PDE4D: variants seen among roughly 807,000 people sequenced by gnomAD.
PDE4D encodes 3',5'-cyclic-AMP phosphodiesterase 4D.
A neutral mutation model predicts 87.4 loss-of-function variants in PDE4D; 24 were observed. That is an observed-to-expected ratio of 0.27 (90% confidence interval 0.20 to 0.39). The LOEUF is 0.39. Ranked by LOEUF, PDE4D falls within the 10% of genes least tolerant of loss-of-function variation. The pLI, the probability that PDE4D is intolerant of heterozygous loss-of-function variation, is 1.00. For missense variants in PDE4D, 714 were observed against 1,041.0 expected, an observed-to-expected ratio of 0.69 and a Z score of 4.32; for synonymous variants, 384 against 383.2, an observed-to-expected ratio of 1.00 and a Z score of -0.02.
At chr5:59,177,132 C>G (rs967773606) in intron 5 of PDE4D, among the ~76,000 whole-genome samples, 1 of 152,088 alleles carries the variant, frequency 6.6e-6, no homozygotes, top group African/African-American at 2.4e-5. Flanking sequence ...TATTTGGAGG[C>G]CGGGCCTGTG....
intron 1 of PDE4D, among the ~76,000 whole-genome samples, chr5:59,447,328 T>C (rs1185843026): frequency 1.3e-5 from 2 of 152,216 alleles, no homozygotes; most frequent in African/African-American, 4.8e-5. Context: ...CTTGCTGGAA[T>C]GGAGAAAAGG....
intron 1 of PDE4D, among the ~76,000 whole-genome samples, chr5:60,298,269 T>C (rs1753592713): frequency 6.6e-6 from 1 of 152,168 alleles, no homozygotes; most frequent in Admixed American, 6.5e-5. Flanking sequence ...CTGCATACCA[T>C]TCAACTAACA....
At chr5:59,777,371 A>G (rs1764182253) in intron 1 of PDE4D, among the ~76,000 whole-genome samples, 1 of 152,212 alleles carries the variant, frequency 6.6e-6, no homozygotes, top group African/African-American at 2.4e-5. Context: ...TTGTGGACAG[A>G]AGCCTGTTGG....
At chr5:59,840,234 CCACACA>C (rs142164308) in intron 1 of PDE4D, among the ~76,000 whole-genome samples, 21 of 145,006 alleles carry the variant, frequency 1.4e-4, no homozygotes, top group South Asian at 6.6e-4. Context: ...ACGTGCACTG[CCACACA>C]CACACACACA....
intron 1 of PDE4D, among the ~76,000 whole-genome samples, chr5:60,366,304 G>A (rs1583539539): frequency 6.6e-6 from 1 of 151,936 alleles, no homozygotes; most frequent in African/African-American, 2.4e-5. Context: ...AGGACACCAA[G>A]CAATTTGAGG....
intron 1 of PDE4D, among the ~76,000 whole-genome samples, chr5:60,247,759 G>C (rs937168419): frequency 6.6e-6 from 1 of 151,822 alleles, no homozygotes; most frequent in Non-Finnish European, 1.5e-5. Flanking sequence ...CAGAGACAGA[G>C]AAAGGGAGAG....
intron 1 of PDE4D, among the ~76,000 whole-genome samples, chr5:59,322,689 C>T (rs1026283798): frequency 6.6e-6 from 1 of 152,122 alleles, no homozygotes; most frequent in African/African-American, 2.4e-5. Context: ...ACATTATGTG[C>T]TGTGGCTAAC....
At chr5:59,028,403 C>A (rs902286826) in intron 6 of PDE4D, among the ~76,000 whole-genome samples, 1 of 150,668 alleles carries the variant, frequency 6.6e-6, no homozygotes, top group Admixed American at 6.7e-5. Context: ...ACCCTCACCC[C>A]CCAAAATAAT....
At chr5:59,101,974 C>T (rs895378383) in intron 5 of PDE4D, among the ~76,000 whole-genome samples, 1 of 151,974 alleles carries the variant, frequency 6.6e-6, no homozygotes, top group African/African-American at 2.4e-5. Context: ...CAACTGTGCC[C>T]ATCGAGTTGA....
At chr5:59,338,294 C>G (rs1158370227) in intron 1 of PDE4D, among the ~76,000 whole-genome samples, 1 of 152,154 alleles carries the variant, frequency 6.6e-6, no homozygotes, top group Non-Finnish European at 1.5e-5. Flanking sequence ...ACAGCAGAAA[C>G]AGAATCTCAA....
intron 6 of PDE4D, among the ~76,000 whole-genome samples, chr5:59,022,944 G>C (rs1158974785): frequency 6.6e-6 from 1 of 152,200 alleles, no homozygotes; most frequent in Non-Finnish European, 1.5e-5. Context: ...GGCGGGCCAA[G>C]GTGGGCAGAT....
At chr5:59,842,195 G>A (rs1416200345) in intron 1 of PDE4D, among the ~76,000 whole-genome samples, 3 of 151,910 alleles carry the variant, frequency 2.0e-5, no homozygotes, top group Non-Finnish European at 2.9e-5. Context: ...AGAGATGGTG[G>A]GACTTGAAAT....
chr5:59,798,130 G>A (rs1156483481), intron 1 of PDE4D, among the ~76,000 whole-genome samples: 1 of 152,096 alleles, frequency 6.6e-6, no homozygotes, highest in East Asian at 1.9e-4. Context: ...CTACATGGGA[G>A]GCTGAAGCAG....
intron 5 of PDE4D, among the ~76,000 whole-genome samples, chr5:59,179,083 T>C (rs1428283788): frequency 6.6e-6 from 1 of 152,170 alleles, no homozygotes. Flanking sequence ...TATTTTAGCA[T>C]ATAGGAATTG....
chr5:59,781,733 C>T (rs965014155), intron 1 of PDE4D, among the ~76,000 whole-genome samples: 4 of 135,094 alleles, frequency 3.0e-5, no homozygotes, highest in Admixed American at 8.8e-5. Context: ...TGCAGTGAGC[C>T]GAGATCGCAC....
At chr5:60,426,377 T>C (rs1013634306) in intron 1 of PDE4D, among the ~76,000 whole-genome samples, 1 of 152,150 alleles carries the variant, frequency 6.6e-6, no homozygotes, top group African/African-American at 2.4e-5. Flanking sequence ...CATGTCCTTT[T>C]CAGGGACATG....
intron 1 of PDE4D, among the ~76,000 whole-genome samples, chr5:59,337,337 C>CAT (rs1396627016): frequency 7.5e-6 from 1 of 133,026 alleles, no homozygotes; most frequent in Non-Finnish European, 1.6e-5. Flanking sequence ...CCCCCCCCAC[C>CAT]TTTTTTTTTT....
chr5:60,150,570 GA>G (rs1036346463), intron 2 of PDE4D, among the ~76,000 whole-genome samples: 149 of 148,814 alleles, frequency 1.0e-3, no homozygotes, highest in African/African-American at 2.9e-3. Context: ...GATGGTGTCA[GA>G]AAAAAAAAAT....
At chr5:59,700,098 T>C (rs1388953581) in intron 1 of PDE4D, among the ~76,000 whole-genome samples, 1 of 152,134 alleles carries the variant, frequency 6.6e-6, no homozygotes, top group Non-Finnish European at 1.5e-5. Flanking sequence ...GCATAACCAT[T>C]ACTGAACTCT....
Sources: allele counts gnomAD v4.1 joint callset (sites outside exome capture counted in the v4.1 genomes callset), GRCh38; gene constraint gnomAD v4.1.1; transcripts MANE v1.5; gene names NCBI Gene and HGNC (gene_info 2026-07-23, HGNC 2026-07-21).